Variants in MASTL observed in about 807,000 individuals in gnomAD.
The protein encoded by MASTL is microtubule associated serine/threonine kinase like.
A neutral mutation model predicts 82.5 loss-of-function variants in MASTL; 54 were observed. The observed-to-expected ratio is 0.65, with a 90% CI of 0.53 to 0.82. MASTL has a LOEUF of 0.82. Ranked by LOEUF, MASTL falls within the 40% of genes least tolerant of loss-of-function variation. The pLI is 0.00. For synonymous variants in MASTL, 323 were observed against 368.9 expected (o/e 0.88, Z 1.43); for missense variants, 950 against 1,047.8 (o/e 0.91, Z 1.29).
chr10:27,158,588 C>G lies in MASTL; in HGVS notation c.226C>G (p.His76Asp), dbSNP rs2057468329. 1 of 1,610,958 alleles carries G rather than the reference C, an allele frequency of 6.2e-7. No individual in the cohort carries two copies. Among genetic ancestry groups the G allele is most frequent in the Admixed American group, 1.7e-5 (1 of 60,018 alleles). The part of the protein sequence containing the change: ...KADMINKNMT[H>D]QVQAERDALA... ...AGACATGATCAACAAAAATATGACTCATCAGGTCCAAGCTGAGAGAGATGC... is the reference window on the plus strand; with the variant it reads ...AGACATGATCAACAAAAATATGACTGATCAGGTCCAAGCTGAGAGAGATGC... The change falls in exon 2 of 12, where the codon CAT (histidine) becomes GAT (aspartate). Residue 76 changes from histidine to aspartate, a missense_variant. Transcript: ENST00000375940.
chr10:27,164,732 T>C (rs1249387032), intron 4 of MASTL, among the ~76,000 whole-genome samples: 1 of 151,802 alleles, frequency 6.6e-6, no homozygotes, highest in Non-Finnish European at 1.5e-5. Context: ...CCGCCTCCCG[T>C]GTTCAAGTGA....
intron 11 of MASTL, 85 bp downstream of exon 11, chr10:27,181,666 C>T (rs1034145253): frequency 2.7e-5 from 28 of 1,028,800 alleles, no homozygotes; most frequent in Non-Finnish European, 3.2e-5. Context: ...TCTGGCTGGG[C>T]GTGGTGGCTC....
intron 9 of MASTL, among the ~76,000 whole-genome samples, chr10:27,178,846 C>T (rs11015587): frequency 0.012 from 1,815 of 152,018 alleles, 22 homozygotes; most frequent in South Asian, 0.033. Flanking sequence ...GCTTGAAAGG[C>T]CTACTAACTG....
At chr10:27,183,093 AT>A (rs1422803941) in intron 11 of MASTL, among the ~76,000 whole-genome samples, 3 of 152,142 alleles carry the variant, frequency 2.0e-5, no homozygotes, top group Non-Finnish European at 2.9e-5. Flanking sequence ...ATGTTCTGTA[AT>A]TTCTTATTGC....
At chr10:27,163,731 C>T (rs1312438513) in intron 4 of MASTL, among the ~76,000 whole-genome samples, 2 of 151,678 alleles carry the variant, frequency 1.3e-5, no homozygotes, top group African/African-American at 2.4e-5. Context: ...CCTGGGTTCA[C>T]GCCATTCTCC....
intron 6 of MASTL, 85 bp downstream of exon 6, chr10:27,165,624 T>C (rs1034566750): frequency 2.7e-6 from 4 of 1,457,446 alleles, no homozygotes; most frequent in Non-Finnish European, 2.9e-6. Context: ...AGGATTTCTT[T>C]CTTTTTGAGA....
chr10:27,173,629 G>A (rs1419416935), intron 9 of MASTL, among the ~76,000 whole-genome samples: 1 of 151,764 alleles, frequency 6.6e-6, no homozygotes, highest in African/African-American at 2.4e-5. Context: ...CACCCAGGCT[G>A]GAGTGCAATG....
chr10:27,171,544 G>T (rs1006112434), intron 8 of MASTL, among the ~76,000 whole-genome samples: 6 of 147,206 alleles, frequency 4.1e-5, no homozygotes, highest in African/African-American at 1.5e-4. Flanking sequence ...CGATTCTCCT[G>T]CCTCAGCCTC....
At chr10:27,177,067 A>C (rs769589911) in intron 9 of MASTL, among the ~76,000 whole-genome samples, 3 of 150,924 alleles carry the variant, frequency 2.0e-5, no homozygotes, top group Non-Finnish European at 3.0e-5. Flanking sequence ...CTGGTCTTGA[A>C]CTCCTGACCT....
At chr10:27,177,222 C>T (rs908711002) in intron 9 of MASTL, among the ~76,000 whole-genome samples, 18 of 152,104 alleles carry the variant, frequency 1.2e-4, no homozygotes, top group Non-Finnish European at 2.4e-4. Context: ...TATTAATAAT[C>T]TCTACAATAT....
chr10:27,171,170 A>AT (rs2136078131), intron 8 of MASTL, 87 bp downstream of exon 8: 1 of 1,136,662 alleles, frequency 8.8e-7, no homozygotes, highest in East Asian at 2.4e-5. Context: ...ACTATGCGGT[A>AT]TTAATCATAT....
intron 7 of MASTL, 101 bp downstream of exon 7, chr10:27,167,375 G>A: frequency 9.6e-7 from 1 of 1,042,528 alleles, no homozygotes; most frequent in Non-Finnish European, 1.4e-6. Flanking sequence ...AAATGAAATT[G>A]TTACATGAAT....
intron 9 of MASTL, among the ~76,000 whole-genome samples, chr10:27,179,022 G>A (rs1300919153): frequency 2.0e-5 from 3 of 152,066 alleles, no homozygotes; most frequent in Non-Finnish European, 4.4e-5. Flanking sequence ...TGCTTTCCTA[G>A]TTGTCTTAAA....
Position 27,187,943 on chromosome 10 carries a change from T to TATC in MASTL, c.*1409_*1411dup, listed in dbSNP as rs1391616726. ...TTTTCTTTTGCTTAATAAATATAACTATCACAAGTACATTATCTGTCAACA... is the reference window on the plus strand; with the variant it reads ...TTTTCTTTTGCTTAATAAATATAACTATCATCACAAGTACATTATCTGTCAACA... On this transcript the variant is annotated 3_prime_UTR_variant, in exon 12 of 12. Transcript: ENST00000375940. Among the ~76,000 whole-genome samples the TATC allele has an allele frequency of 1.3e-5, 2 of 152,184 alleles. No homozygotes were observed. The highest frequency in any genetic ancestry group is 2.9e-5 in the Non-Finnish European group (2 of 68,040).
chr10:27,158,521 G>T (rs759475271), intron 1 of MASTL, 28 bp from the exon 2 acceptor site: 18 of 1,520,804 alleles, frequency 1.2e-5, no homozygotes, highest in Non-Finnish European at 1.3e-5. Context: ...AAAATAACAT[G>T]ATATCACTTT....
chr10:27,186,532 T>C lies in MASTL; in HGVS notation c.2636T>C (p.Leu879Pro). The C allele has an allele frequency of 6.2e-7, 1 of 1,614,014 alleles. No individual in the cohort carries two copies. The change falls in exon 12 of 12, where the codon CTG becomes CCG. Residue 879 changes from leucine (L) to proline (P), a missense_variant. Leu to Pro is a moderately conservative substitution (Grantham distance 98). Coordinates refer to ENST00000375940, the MANE Select transcript of MASTL (RefSeq NM_001172303.3). ...AQHLTVSGFS[L>P] ...CACCTGACTGTATCTGGATTTAGTC[T>C]GTAGCACAAAAATTTTCCTTTTAGT... is the stretch of plus-strand genomic sequence containing the variant.
At position 27,170,081 on chromosome 10, in the gene MASTL, C is replaced by T. The variant is rs1057115088; in HGVS notation, c.1122C>T (p.Asn374=). The T allele has an allele frequency of 5.6e-6, 9 of 1,614,216 alleles. No individual in the cohort carries two copies. Among genetic ancestry groups the T allele is most frequent in the East Asian group, 4.5e-5 (2 of 44,886 alleles). Residue 374 remains asparagine (N), a synonymous_variant, in exon 8 of 12, where the codon AAC becomes AAT. Coordinates refer to ENST00000375940, the MANE Select transcript of MASTL (RefSeq NM_001172303.3). The part of the protein sequence containing the change: ...DLELALSPIH[N]SSALPTTGRS... ...AGTTAGCTCTTTCTCCCATTCATAA[C>T]AGCAGTGCCCTTCCCACCACTGGAC...
intron 6 of MASTL, 150 bp downstream of exon 6, chr10:27,165,689 C>T: frequency 1.2e-6 from 1 of 848,114 alleles, no homozygotes; most frequent in Non-Finnish European, 1.9e-6. Context: ...CTCGGCGGCT[C>T]ACTGCAACCC....
chr10:27,174,719 A>G (rs1377456549), intron 9 of MASTL, among the ~76,000 whole-genome samples: 1 of 152,040 alleles, frequency 6.6e-6, no homozygotes, highest in Non-Finnish European at 1.5e-5. Context: ...TGTCTCTATC[A>G]TCATAGAGCT....
Sources: allele counts gnomAD v4.1 joint callset (sites outside exome capture counted in the v4.1 genomes callset), GRCh38; gene constraint gnomAD v4.1.1; transcripts MANE v1.5; gene names NCBI Gene and HGNC (gene_info 2026-07-23, HGNC 2026-07-21).